TRDN: variants seen among roughly 807,000 people sequenced by gnomAD.
TRDN encodes triadin.
In TRDN, 161 loss-of-function variants were observed where a neutral mutation model predicts 149.7. The ratio of observed to expected loss-of-function variants is 1.08; its 90% confidence interval spans 0.95 to 1.23. The LOEUF (loss-of-function observed/expected upper bound fraction) is 1.23, where lower values mean the gene tolerates loss of function less well. Ranked by LOEUF, TRDN falls within the 50% of genes most tolerant of loss-of-function variation. The pLI, the probability that TRDN is intolerant of heterozygous loss-of-function variation, is 0.00. For missense variants in TRDN, 896 were observed against 823.5 expected, an observed-to-expected ratio of 1.09 and a Z score of -1.08; for synonymous variants, 294 against 250.5, an observed-to-expected ratio of 1.17 and a Z score of -1.64.
chr6:123,578,398 A>G (rs1478289258), intron 1 of TRDN, among the ~76,000 whole-genome samples: 1 of 151,922 alleles, frequency 6.6e-6, no homozygotes, highest in East Asian at 1.9e-4. Context: ...GAGTCATGTG[A>G]CATGAGTTTA....
intron 20 of TRDN, among the ~76,000 whole-genome samples, chr6:123,353,318 A>C (rs1231535399): frequency 6.6e-6 from 1 of 151,918 alleles, no homozygotes; most frequent in Non-Finnish European, 1.5e-5. Context: ...AACTGAAAGA[A>C]GAAAAAATAC....
At chr6:123,312,080 G>A (rs1778846717) in intron 24 of TRDN, among the ~76,000 whole-genome samples, 10 of 151,960 alleles carry the variant, frequency 6.6e-5, no homozygotes. Context: ...TGGCATTAGA[G>A]AATCTGACAG....
chr6:123,447,627 T>A (rs1452912179), intron 10 of TRDN, among the ~76,000 whole-genome samples: 2 of 152,212 alleles, frequency 1.3e-5, no homozygotes, highest in Admixed American at 1.3e-4. Flanking sequence ...TCAGTGAAGC[T>A]ATATCATTCA....
intron 4 of TRDN, among the ~76,000 whole-genome samples, chr6:123,544,425 A>C (rs533695313): frequency 6.6e-6 from 1 of 152,194 alleles, no homozygotes; most frequent in Admixed American, 6.5e-5. Context: ...CATGCTCTCA[A>C]GCAGATCAAT....
At chr6:123,470,247 C>T (rs1188854445) in intron 9 of TRDN, 4 of 151,998 alleles carry the variant, frequency 2.6e-5, no homozygotes, top group African/African-American at 4.8e-5. Flanking sequence ...ATATGATGGA[C>T]AAGATACGTA....
intron 21 of TRDN, among the ~76,000 whole-genome samples, chr6:123,347,516 T>A (rs1459851217): frequency 6.6e-6 from 1 of 152,024 alleles, no homozygotes; most frequent in Admixed American, 6.6e-5. Flanking sequence ...CCTGAGATAT[T>A]TTTGAAATTT....
In TRDN at chr6:123,571,091, C is replaced by T. The variant is rs1309171208; in HGVS notation, c.64G>A (p.Gly22Arg). The stretch of plus-strand genomic sequence containing the variant: ...TTTCCGGGGGATTTGGGCACAGATC[C>T]ATTTTTGCTGTCTATCACAGTTGTG... ...TTTTVIDSKN[G>R]SVPKSPGKVL... The change falls in exon 2 of 41, where the codon GGA becomes AGA. Residue 22 changes from glycine to arginine, a missense_variant. Physicochemically the swap from Gly to Arg is moderately radical, Grantham distance 125 (BLOSUM62 -2). Coordinates refer to ENST00000334268, the MANE Select transcript of TRDN (RefSeq NM_006073.4). 1 of 1,613,948 alleles carries T rather than the reference C, an allele frequency of 6.2e-7. No individual in the cohort carries two copies. The highest frequency in any genetic ancestry group is 1.1e-5 in the South Asian group (1 of 91,080).
intron 4 of TRDN, among the ~76,000 whole-genome samples, chr6:123,533,821 G>C (rs1425545129): frequency 6.6e-6 from 1 of 152,066 alleles, no homozygotes; most frequent in Non-Finnish European, 1.5e-5. Context: ...TGAAAGGTAA[G>C]TACTTGCATG....
chr6:123,508,673 T>C (rs540797694), intron 7 of TRDN, among the ~76,000 whole-genome samples: 5 of 152,312 alleles, frequency 3.3e-5, no homozygotes, highest in Admixed American at 1.3e-4. Flanking sequence ...TGTATCAAGG[T>C]AGACATTAAA....
At chr6:123,430,716 T>C (rs750307513) in intron 12 of TRDN, among the ~76,000 whole-genome samples, 1 of 152,180 alleles carries the variant, frequency 6.6e-6, no homozygotes, top group Non-Finnish European at 1.5e-5. Context: ...GTCGCATGTA[T>C]ACTAGTCCTC....
chr6:123,594,894 G>C (rs141596770), intron 1 of TRDN, among the ~76,000 whole-genome samples: 79 of 151,520 alleles, frequency 5.2e-4, no homozygotes, highest in African/African-American at 1.9e-3. Context: ...TAGCAAGAAG[G>C]CCTGATATTT....
At chr6:123,368,752 T>C (rs897227953) in intron 19 of TRDN, among the ~76,000 whole-genome samples, 50 of 152,146 alleles carry the variant, frequency 3.3e-4, no homozygotes, top group Non-Finnish European at 5.4e-4. Flanking sequence ...TTTGGCACCA[T>C]TTTTTTCTCT....
chr6:123,385,209 C>A (rs966885087), intron 14 of TRDN, among the ~76,000 whole-genome samples: 1 of 151,970 alleles, frequency 6.6e-6, no homozygotes, highest in African/African-American at 2.4e-5. Context: ...GTGCGGATCA[C>A]TAGGTCAGGA....
At chr6:123,276,248 T>C (rs1022408742) in intron 26 of TRDN, among the ~76,000 whole-genome samples, 2 of 152,120 alleles carry the variant, frequency 1.3e-5, no homozygotes, top group Non-Finnish European at 2.9e-5. Context: ...AGAATGTTGC[T>C]AGAAATATGA....
intron 2 of TRDN, among the ~76,000 whole-genome samples, chr6:123,554,479 C>T (rs1781550090): frequency 6.6e-6 from 1 of 152,024 alleles, no homozygotes; most frequent in Admixed American, 6.6e-5. Context: ...TTCTCCCTTT[C>T]TGTAAATATG....
At chr6:123,350,107 A>T in intron 21 of TRDN, 1 of 974,820 alleles carries the variant, frequency 1.0e-6, no homozygotes, top group Non-Finnish European at 1.2e-6. Flanking sequence ...TATACTTAAT[A>T]AAATGTTTAC....
At chr6:123,571,614 A>G (rs548856374) in intron 1 of TRDN, among the ~76,000 whole-genome samples, 9 of 152,238 alleles carry the variant, frequency 5.9e-5, no homozygotes, top group Admixed American at 3.3e-4. Flanking sequence ...CCACATGTTC[A>G]TGAGAGAAAA....
chr6:123,512,450 A>C, intron 6 of TRDN, 88 bp from the exon 7 acceptor site: 6 of 707,682 alleles, frequency 8.5e-6, no homozygotes, highest in Non-Finnish European at 1.4e-5. Flanking sequence ...AAGTGCTAAA[A>C]CCTAATCTGT....
intron 24 of TRDN, among the ~76,000 whole-genome samples, chr6:123,302,070 T>C (rs1369494170): frequency 6.6e-6 from 1 of 150,890 alleles, no homozygotes; most frequent in African/African-American, 2.4e-5. Context: ...TGTATAATTC[T>C]ACATATTATA....
Sources: gnomAD v4.1 joint callset for allele counts (sites outside exome capture counted in the v4.1 genomes callset) on GRCh38, gnomAD v4.1.1 for gene constraint, MANE v1.5 for transcripts, NCBI Gene and HGNC (gene_info 2026-07-23, HGNC 2026-07-21) for gene names.